AASDH: variants seen among roughly 807,000 people sequenced by gnomAD.
AASDH encodes the protein beta-alanine-activating enzyme.
AASDH carries 81 observed loss-of-function variants against 102.3 expected under a neutral mutation model. That is an observed-to-expected ratio of 0.79 (90% CI 0.66 to 0.95). The LOEUF (loss-of-function observed/expected upper bound fraction) is 0.95. Among genes scored for constraint, AASDH ranks in the 40% least tolerant of loss-of-function variants. The pLI, the probability that AASDH is intolerant of heterozygous loss-of-function variation, is 0.00. For missense variants in AASDH, 1,203 were observed against 1,266.2 expected, an observed-to-expected ratio of 0.95 and a Z score of 0.76; for synonymous variants, 398 against 454.0, an observed-to-expected ratio of 0.88 and a Z score of 1.57.
At chr4:56,350,994 A>T (rs1247638848) in intron 10 of AASDH, among the ~76,000 whole-genome samples, 17 of 152,230 alleles carry the variant, frequency 1.1e-4, no homozygotes, top group Admixed American at 1.1e-3. Context: ...CAGACAACGC[A>T]CTGTGCTATA....
chr4:56,346,079 G>A (rs1748296326), intron 11 of AASDH, among the ~76,000 whole-genome samples: 1 of 152,200 alleles, frequency 6.6e-6, no homozygotes, highest in African/African-American at 2.4e-5. Flanking sequence ...TGACCTTGGT[G>A]TAGCCAAAAT....
At chr4:56,353,704 A>C in intron 8 of AASDH, 108 bp from the exon 9 acceptor site, 1 of 1,024,362 alleles carries the variant, frequency 9.8e-7, no homozygotes, top group Non-Finnish European at 1.4e-6. Flanking sequence ...TAAATTTTGG[A>C]ATATACTGGA....
rs149956294 is a variant in AASDH at position 56,380,510 on chromosome 4, G to T, written c.351+1967C>A. Among the ~76,000 whole-genome samples, 1,141 of 152,192 alleles carry T rather than the reference G, an allele frequency of 7.5e-3. 8 individuals carry two copies. The highest frequency in any genetic ancestry group is 0.013 in the Non-Finnish European group (880 of 68,006). On this transcript the variant is annotated intron_variant, in intron 3 of 14. Coordinates refer to ENST00000205214, the MANE Select transcript of AASDH (RefSeq NM_181806.4). Reference sequence around the variant, plus strand: ...GGCCTGTAATATTTGAAAAATTAAAGAACTACATACGCTTCAGATCTAGCT... The same window carrying T: ...GGCCTGTAATATTTGAAAAATTAAATAACTACATACGCTTCAGATCTAGCT...
rs1382117397 is a variant in AASDH at position 56,356,253 on chromosome 4, C to G, written c.862-830G>C. ...GAGAAAAGGCCTAAGAATTTTGGCACTGAGCAAGACATCCAGCCCAAAAGA... is the reference window on the plus strand; with the variant it reads ...GAGAAAAGGCCTAAGAATTTTGGCAGTGAGCAAGACATCCAGCCCAAAAGA... On this transcript the variant is annotated intron_variant, in intron 5 of 14. Transcript: ENST00000205214. 39 of 877,070 alleles carry G rather than the reference C, an allele frequency of 4.4e-5. No individual in the cohort carries two copies. The East Asian group carries it at 6.0e-4, about 14-fold the overall frequency. 54.3% of individuals were successfully genotyped at this position (877,070 alleles called of 1,614,324 possible). A position where few individuals can be genotyped will look rare whatever the true frequency, so the allele number is the denominator to read the frequency against.
In AASDH at chr4:56,348,691, T is replaced by C. The variant is rs143862059; in HGVS notation, c.2488+572A>G. On this transcript the variant is annotated intron_variant, in intron 11 of 14. Transcript: ENST00000205214. The stretch of plus-strand genomic sequence containing the variant: ...CTCTGAGGAATGTTAGCTGCCATGT[T>C]GTAAGGGCAGTCAAGCAGCCTAGAG... 6.6e-5 allele frequency among the ~76,000 whole-genome samples: 10 copies of C among 152,286 alleles called. No homozygotes were observed. In the East Asian group the frequency reaches 1.9e-3, roughly 29 times the overall value.
chr4:56,365,905 C>T (rs1257064968), intron 5 of AASDH, among the ~76,000 whole-genome samples: 1 of 152,000 alleles, frequency 6.6e-6, no homozygotes, highest in Non-Finnish European at 1.5e-5. Flanking sequence ...CACAAAAATC[C>T]CTTCAAAAAA....
rs575687659 is a variant in AASDH at position 56,341,389 on chromosome 4, CTTTT to C, written c.2907+1442_2907+1445del. Among the ~76,000 whole-genome samples the C allele has an allele frequency of 7.0e-4, 65 of 92,408 alleles. 4 individuals are homozygous for C. In the East Asian group the frequency reaches 0.015, roughly 21 times the overall value. The allele number at this position is 92,408 out of a possible 152,430, so 60.6% of individuals were successfully genotyped here. A position where few individuals can be genotyped will look rare whatever the true frequency, so the allele number is the denominator to read the frequency against. On this transcript the variant is annotated intron_variant, in intron 14 of 14. Transcript: ENST00000205214. ...CATGGATGGAACTGGAGACTTTTATCTTTTTTTTTTTTTTTTTTTTTGGAGACAG... is the reference window on the plus strand; with the variant it reads ...CATGGATGGAACTGGAGACTTTTATCTTTTTTTTTTTTTTTTTGGAGACAG...
rs760319356 is a variant in AASDH, at chr4:56,354,152, G to A, written c.1270C>T (p.Arg424Ter). 5 of 1,611,400 alleles carry A rather than the reference G, an allele frequency of 3.1e-6. No homozygotes were observed. The highest frequency in any genetic ancestry group is 2.7e-5 in the African/African-American group (2 of 74,782). The change falls in exon 8 of 15, where the codon CGA becomes TGA. Residue 424 changes from arginine (R) to a stop codon, truncating the protein, a stop_gained. Transcript: ENST00000205214. LOFTEE classifies it high-confidence loss of function. The stretch of plus-strand genomic sequence containing the variant: ...ACAGTCACAAAGTCTCCTGTAGCTC[G>A]CATTGTGCCAAGTGGTACTGTCACT... Reference protein sequence around the residue: ...DEVTVPLGTMRATGDFVTVKD... With the variant: ...DEVTVPLGTM
intron 5 of AASDH, among the ~76,000 whole-genome samples, chr4:56,369,992 C>T (rs1692586348): frequency 1.3e-5 from 2 of 150,694 alleles, no homozygotes; most frequent in Non-Finnish European, 3.0e-5. Flanking sequence ...AATTAAGATG[C>T]ACATATGCAC....
At chr4:56,380,070 T>A (rs1752791293) in intron 3 of AASDH, among the ~76,000 whole-genome samples, 1 of 152,118 alleles carries the variant, frequency 6.6e-6, no homozygotes, top group South Asian at 2.1e-4. Flanking sequence ...ATTTAATGAG[T>A]CTTTTGCAGT....
At chr4:56,375,160 G>A (rs1053653394) in intron 4 of AASDH, among the ~76,000 whole-genome samples, 1 of 151,798 alleles carries the variant, frequency 6.6e-6, no homozygotes, top group African/African-American at 2.4e-5. Context: ...TTCAATCACA[G>A]TTCACTGCAG....
Position 56,365,554 on chromosome 4 carries a change from G to A in AASDH, c.861+5897C>T, listed in dbSNP as rs369096838. Among the ~76,000 whole-genome samples, 3 of 151,938 alleles carry A rather than the reference G, an allele frequency of 2.0e-5. No homozygotes were observed. The East Asian group carries it at 5.8e-4, about 29-fold the overall frequency. ...ACAGTGCAATCAAACTAGAACTCAG[G>A]ATTAAGAAACTCACTCAAAACCGCT... is the stretch of plus-strand genomic sequence containing the variant. On this transcript the variant is annotated intron_variant, in intron 5 of 14. Coordinates refer to ENST00000205214, the MANE Select transcript of AASDH (RefSeq NM_181806.4).
At chr4:56,363,482 G>A (rs1023301602) in intron 5 of AASDH, among the ~76,000 whole-genome samples, 21 of 152,320 alleles carry the variant, frequency 1.4e-4, no homozygotes, top group Admixed American at 7.8e-4. Context: ...CAGTAGGGGC[G>A]GACTGACACT....
chr4:56,353,512 C>A lies in AASDH; in HGVS notation c.1468G>T (p.Asp490Tyr). The change falls in exon 9 of 15, where the codon GAT becomes TAT. Residue 490 changes from aspartate to tyrosine, a missense_variant. Transcript: ENST00000205214. ...EKLILFMVSK[D>Y]ASVKEYIFKE... is the part of the protein sequence containing the mutation. Reference sequence around the variant, plus strand: ...AAGATGTATTCTTTTACTGAAGCATCTTTAGACACCATGAAGAGAATTAAT... The same window carrying A: ...AAGATGTATTCTTTTACTGAAGCATATTTAGACACCATGAAGAGAATTAAT... The A allele has an allele frequency of 1.2e-6, 2 of 1,613,750 alleles. No homozygotes were observed. The highest frequency in any genetic ancestry group is 2.7e-5 in the African/African-American group (2 of 75,016).
intron 12 of AASDH, 148 bp downstream of exon 12, chr4:56,344,979 T>TC (rs1336195163): frequency 3.4e-6 from 2 of 581,178 alleles, no homozygotes; most frequent in Non-Finnish European, 5.5e-6. Context: ...TCTCACTCTG[T>TC]CACCCAGGGT....
intron 3 of AASDH, 105 bp from the exon 4 acceptor site, chr4:56,378,569 G>T (rs767248262): frequency 3.8e-6 from 4 of 1,040,394 alleles, no homozygotes; most frequent in African/African-American, 3.2e-5. Context: ...ATCCTTGGGG[G>T]AATTGGTTCT....
intron 1 of AASDH, among the ~76,000 whole-genome samples, chr4:56,384,661 AAATT>A (rs1323847600): frequency 6.6e-6 from 1 of 152,176 alleles, no homozygotes; most frequent in Non-Finnish European, 1.5e-5. Flanking sequence ...AATATATAAA[AAATT>A]AATCAATAAA....
At chr4:56,340,527 C>T (rs1244426494) in intron 14 of AASDH, among the ~76,000 whole-genome samples, 1 of 152,014 alleles carries the variant, frequency 6.6e-6, no homozygotes, top group Non-Finnish European at 1.5e-5. Context: ...AAAATAAACT[C>T]GAGATGGATT....
chr4:56,338,315 TTAATA>T lies in AASDH; in HGVS notation c.*82_*86del. ...TTTCTTAGCCAAAATATAATCTTCT[TTAATA>T]TAAAATAAGTCCACATGATGTATAA... On this transcript the variant is annotated 3_prime_UTR_variant, in exon 15 of 15. Coordinates refer to ENST00000205214, the MANE Select transcript of AASDH (RefSeq NM_181806.4). 7.1e-7 allele frequency: 1 copy of T among 1,418,164 alleles called. No homozygotes were observed. Among genetic ancestry groups the T allele is most frequent in the Non-Finnish European group, 9.5e-7 (1 of 1,047,580 alleles). 87.8% of individuals were successfully genotyped at this position (1,418,164 alleles called of 1,614,324 possible).
Sources: allele counts gnomAD v4.1 joint callset (sites outside exome capture counted in the v4.1 genomes callset), GRCh38; gene constraint gnomAD v4.1.1; transcripts MANE v1.5; gene names NCBI Gene and HGNC (gene_info 2026-07-23, HGNC 2026-07-21).